Variants in C8orf34 observed in about 807,000 individuals in gnomAD.
C8orf34 encodes the protein chromosome 8 open reading frame 34, also known as uncharacterized protein C8orf34.
A neutral mutation model predicts 68.3 loss-of-function variants in C8orf34; 65 were observed. The ratio of observed to expected loss-of-function variants is 0.95; its 90% CI spans 0.78 to 1.17. The LOEUF (loss-of-function observed/expected upper bound fraction) is 1.17. Among genes scored for constraint, C8orf34 ranks in the 50% most tolerant of loss-of-function variants. The probability of loss-of-function intolerance (pLI) is 0.00; values close to 1 mark genes in which losing one functional copy is unlikely to be tolerated. For synonymous variants in C8orf34, 244 were observed against 241.2 expected (o/e 1.01, Z -0.11); for missense variants, 664 against 655.4 (o/e 1.01, Z -0.14).
At chr8:68,361,268 G>T (rs1806983379) in intron 1 of C8orf34, among the ~76,000 whole-genome samples, 1 of 152,200 alleles carries the variant, frequency 6.6e-6, no homozygotes, top group Non-Finnish European at 1.5e-5. Flanking sequence ...AGGGAGCACT[G>T]CAACTGGAAA....
chr8:68,689,162 A>G (rs1209262069), intron 8 of C8orf34, among the ~76,000 whole-genome samples: 1 of 152,004 alleles, frequency 6.6e-6, no homozygotes, highest in Non-Finnish European at 1.5e-5. Flanking sequence ...CAAATACTCA[A>G]TGTTCCCAAT....
chr8:68,500,463 A>G (rs1813717465), intron 5 of C8orf34, among the ~76,000 whole-genome samples: 1 of 152,224 alleles, frequency 6.6e-6, no homozygotes, highest in African/African-American at 2.4e-5. Flanking sequence ...ATAATTGGGG[A>G]AATTTAAACA....
chr8:68,358,279 G>A (rs1806832571), intron 1 of C8orf34, among the ~76,000 whole-genome samples: 1 of 151,858 alleles, frequency 6.6e-6, no homozygotes, highest in South Asian at 2.1e-4. Context: ...TGTCTCCCTG[G>A]ATTAGTCTTA....
In C8orf34 at chr8:68,704,149, T is replaced by C. The variant is rs560083588; in HGVS notation, c.1242-4845T>C. 2.6e-5 allele frequency among the ~76,000 whole-genome samples: 4 copies of C among 152,252 alleles called. No individual in the cohort carries two copies. The South Asian group carries it at 8.3e-4, about 32-fold the overall frequency. ...AACAAAATCCTTTCCTTTAAGACAC[T>C]TGCAGTGTTTTGGCAAACACAGACA... On this transcript the variant is annotated intron_variant, in intron 8 of 13. Transcript: ENST00000518698.
intron 13 of C8orf34, 78 bp downstream of exon 13, chr8:68,816,023 A>G (rs1824802376): frequency 6.2e-7 from 1 of 1,609,872 alleles, no homozygotes; most frequent in South Asian, 1.1e-5. Flanking sequence ...ATTTGTATTA[A>G]AAAAGTACGT....
chr8:68,764,290 C>A (rs754855102), intron 10 of C8orf34, among the ~76,000 whole-genome samples: 1 of 152,158 alleles, frequency 6.6e-6, no homozygotes, highest in Non-Finnish European at 1.5e-5. Flanking sequence ...AATTTGAAAC[C>A]GGCCTTCTAA....
intron 7 of C8orf34, among the ~76,000 whole-genome samples, chr8:68,544,580 A>T (rs1815807956): frequency 6.6e-6 from 1 of 152,194 alleles, no homozygotes; most frequent in Admixed American, 6.6e-5. Context: ...ACCTCAATAT[A>T]TGCAACTGTT....
Position 68,453,375 on chromosome 8 carries a change from C to T in C8orf34, c.607+6915C>T, listed in dbSNP as rs141474928. On this transcript the variant is annotated intron_variant, in intron 3 of 13. Transcript: ENST00000518698. ...AATCTGTGGATCACTTTGGAGAGTACTGGGAACATAACAAGGTTTCCAATT... is the reference window on the plus strand; with the variant it reads ...AATCTGTGGATCACTTTGGAGAGTATTGGGAACATAACAAGGTTTCCAATT... 2.2e-3 allele frequency among the ~76,000 whole-genome samples: 327 copies of T among 152,054 alleles called. 1 individual carries two copies. Among genetic ancestry groups the T allele is most frequent in the African/African-American group, 7.1e-3 (294 of 41,542 alleles).
intron 10 of C8orf34, among the ~76,000 whole-genome samples, chr8:68,726,390 T>A (rs1041612908): frequency 6.6e-6 from 1 of 152,144 alleles, no homozygotes; most frequent in Non-Finnish European, 1.5e-5. Flanking sequence ...CAGAGCAGTA[T>A]GGAAAGAGGT....
chr8:68,399,357 T>A (rs975175830), intron 1 of C8orf34, among the ~76,000 whole-genome samples: 1 of 152,066 alleles, frequency 6.6e-6, no homozygotes, highest in Non-Finnish European at 1.5e-5. Context: ...ATTCCACACT[T>A]TATGTCCATG....
At chr8:68,506,566 A>G (rs1216049524) in intron 5 of C8orf34, among the ~76,000 whole-genome samples, 3 of 151,952 alleles carry the variant, frequency 2.0e-5, no homozygotes, top group African/African-American at 7.2e-5. Flanking sequence ...TTTATTGCTC[A>G]TTTCTTTTCT....
At chr8:68,711,237 C>A (rs756270003) in intron 9 of C8orf34, among the ~76,000 whole-genome samples, 1 of 152,066 alleles carries the variant, frequency 6.6e-6, no homozygotes, top group African/African-American at 2.4e-5. Flanking sequence ...TAAAACAATT[C>A]TGGTAATATG....
At chr8:68,702,930 A>C (rs1248220204) in intron 8 of C8orf34, among the ~76,000 whole-genome samples, 1 of 152,122 alleles carries the variant, frequency 6.6e-6, no homozygotes, top group East Asian at 1.9e-4. Context: ...ATTGGCTGCT[A>C]CTTGGTCCTA....
At chr8:68,745,258 T>C (rs1246106769) in intron 10 of C8orf34, among the ~76,000 whole-genome samples, 4 of 151,962 alleles carry the variant, frequency 2.6e-5, no homozygotes, top group South Asian at 4.2e-4. Context: ...AAGGAACAAC[T>C]GGTGCCAGCC....
intron 1 of C8orf34, among the ~76,000 whole-genome samples, chr8:68,339,812 A>G (rs1203808450): frequency 6.6e-6 from 1 of 152,062 alleles, no homozygotes. Flanking sequence ...AAAATTAAAC[A>G]TTTGTTCTTC....
At chr8:68,486,940 G>T (rs1289575623) in intron 4 of C8orf34, among the ~76,000 whole-genome samples, 1 of 152,120 alleles carries the variant, frequency 6.6e-6, no homozygotes, top group Non-Finnish European at 1.5e-5. Flanking sequence ...ACCCCCCTTT[G>T]CTCTGTGCCC....
intron 10 of C8orf34, among the ~76,000 whole-genome samples, chr8:68,753,797 C>T (rs1317350657): frequency 1.3e-5 from 2 of 152,154 alleles, no homozygotes; most frequent in South Asian, 4.1e-4. Context: ...AAAGAGAATT[C>T]TGATGTGTGA....
At chr8:68,344,311 A>T (rs1158075030) in intron 1 of C8orf34, among the ~76,000 whole-genome samples, 1 of 152,196 alleles carries the variant, frequency 6.6e-6, no homozygotes, top group Non-Finnish European at 1.5e-5. Flanking sequence ...AGCCAAATGA[A>T]AAGTTTACGT....
chr8:68,635,813 C>T (rs976396095), intron 7 of C8orf34, among the ~76,000 whole-genome samples: 2 of 152,214 alleles, frequency 1.3e-5, no homozygotes, highest in Non-Finnish European at 1.5e-5. Flanking sequence ...CTCTTATGCA[C>T]ATTTCTTCTC....
Sources: allele counts gnomAD v4.1 joint callset (sites outside exome capture counted in the v4.1 genomes callset), GRCh38; gene constraint gnomAD v4.1.1; transcripts MANE v1.5; gene names NCBI Gene and HGNC (gene_info 2026-07-23, HGNC 2026-07-21).